The following VIT variants were observed in gnomAD, a reference collection of about 807,000 sequenced individuals.
VIT encodes vitrin.
VIT carries 99 observed loss-of-function variants against 78.0 expected under a neutral mutation model. The observed-to-expected ratio is 1.27, with a 90% CI of 1.08 to 1.50. The LOEUF (loss-of-function observed/expected upper bound fraction) is 1.50, where lower values mean the gene tolerates loss of function less well. VIT is among the 40% of genes most tolerant of loss of function. The pLI, the probability that VIT is intolerant of heterozygous loss-of-function variation, is 0.00. For synonymous variants in VIT, 374 were observed against 334.3 expected (o/e 1.12, Z -1.29); for missense variants, 1,126 against 875.3 (o/e 1.29, Z -3.61).
At chr2:36,737,686 T>C (rs112431545) in intron 3 of VIT, among the ~76,000 whole-genome samples, 7 of 152,332 alleles carry the variant, frequency 4.6e-5, no homozygotes, top group African/African-American at 1.7e-4. Flanking sequence ...TTCTGGGACT[T>C]AGTTACTTAA....
At chr2:36,796,707 T>A (rs1665929075) in intron 12 of VIT, among the ~76,000 whole-genome samples, 1 of 152,118 alleles carries the variant, frequency 6.6e-6, no homozygotes, top group Non-Finnish European at 1.5e-5. Flanking sequence ...GCTCAAAGGA[T>A]CCTCCTGTCT....
intron 14 of VIT, among the ~76,000 whole-genome samples, chr2:36,807,546 T>C (rs1316311402): frequency 1.3e-5 from 2 of 152,228 alleles, no homozygotes; most frequent in Non-Finnish European, 2.9e-5. Flanking sequence ...TGAAAAATAT[T>C]TTCCAGGAAA....
Position 36,773,851 on chromosome 2 carries a change from A to G in VIT, c.736+4A>G, listed in dbSNP as rs1411053807. On this transcript the variant is annotated splice_donor_region_variant and intron_variant, in intron 8 of 15. Transcript: ENST00000379242. ...AACAGGCCCAGAGCTGATCCAGGTA[A>G]GACCTTAAACTCCCTTTCCAGCCAC... 1 of 1,593,078 alleles carries G rather than the reference A, an allele frequency of 6.3e-7. No homozygotes were observed. The highest frequency in any genetic ancestry group is 8.6e-7 in the Non-Finnish European group (1 of 1,167,890).
intron 8 of VIT, among the ~76,000 whole-genome samples, chr2:36,774,280 G>A (rs1471691302): frequency 6.6e-6 from 1 of 151,962 alleles, no homozygotes; most frequent in African/African-American, 2.4e-5. Context: ...CTCTCTCCCC[G>A]GGAGTTCACC....
At chr2:36,699,340 C>T (rs1664875155) in intron 1 of VIT, among the ~76,000 whole-genome samples, 1 of 151,996 alleles carries the variant, frequency 6.6e-6, no homozygotes, top group African/African-American at 2.4e-5. Flanking sequence ...CAAAATGTGG[C>T]CAGGAAAATT....
chr2:36,701,192 T>C (rs1665034906), intron 1 of VIT, among the ~76,000 whole-genome samples: 1 of 151,824 alleles, frequency 6.6e-6, no homozygotes, highest in Admixed American at 6.6e-5. Context: ...ACAGGGGAAG[T>C]TTTGTCAGGA....
chr2:36,727,417 G>A (rs188089426), intron 2 of VIT, among the ~76,000 whole-genome samples: 2 of 152,310 alleles, frequency 1.3e-5, no homozygotes, highest in African/African-American at 4.8e-5. Flanking sequence ...GCTGTGGAAG[G>A]GAAGACAGAG....
At chr2:36,752,105 A>G (rs1005538329) in intron 4 of VIT, among the ~76,000 whole-genome samples, 1 of 152,246 alleles carries the variant, frequency 6.6e-6, no homozygotes, top group Non-Finnish European at 1.5e-5. Context: ...CATATTCTAT[A>G]TCATGATCAG....
rs1254603175 is a variant in VIT, at chr2:36,767,186, G to A, written c.580G>A (p.Val194Met). 1 of 1,611,280 alleles carries A rather than the reference G, an allele frequency of 6.2e-7. No homozygotes were observed. Among genetic ancestry groups the A allele is most frequent in the South Asian group, 1.1e-5 (1 of 90,232 alleles). The change falls in exon 7 of 16, where the codon GTG becomes ATG. Residue 194 changes from valine (V) to methionine (M), a missense_variant. Physicochemically the swap from Val to Met is conservative, Grantham distance 21. Coordinates refer to ENST00000379242, the MANE Select transcript of VIT (RefSeq NM_053276.4). ...GCAGCTTCTGGCTGTCACTGTAGCTGTGGCCACCCCCACCACCTTGCCAAG... is the reference window on the plus strand; with the variant it reads ...GCAGCTTCTGGCTGTCACTGTAGCTATGGCCACCCCCACCACCTTGCCAAG... The part of the protein sequence containing the change: ...LMQLLAVTVA[V>M]ATPTTLPRPS...
At chr2:36,773,666 G>A (rs1669886488) in intron 7 of VIT, 125 bp from the exon 8 acceptor site, 3 of 768,926 alleles carry the variant, frequency 3.9e-6, no homozygotes, top group East Asian at 7.2e-5. Context: ...GGAGGTTGCA[G>A]TGAGCTGAGA....
In VIT at chr2:36,787,222, C is replaced by A; in HGVS notation, c.1004C>A (p.Ala335Asp). 1 of 1,614,178 alleles carries A rather than the reference C, an allele frequency of 6.2e-7. No individual in the cohort carries two copies. The highest frequency in any genetic ancestry group is 8.5e-7 in the Non-Finnish European group (1 of 1,180,038). The change falls in exon 12 of 16, where the codon GCC becomes GAC. Residue 335 changes from alanine (A) to aspartate (D), a missense_variant. By Grantham distance (126) the Ala-to-Asp change is moderately radical (BLOSUM62 -2). Coordinates refer to ENST00000379242, the MANE Select transcript of VIT (RefSeq NM_053276.4). Reference protein sequence around the residue: ...RIQKQLLADVAQALDIGPAGP... With the variant: ...RIQKQLLADVDQALDIGPAGP... ...CAGAAGCAGCTCCTGGCTGATGTTG[C>A]CCAAGCTCTTGACATTGGCCCTGCC...
intron 6 of VIT, among the ~76,000 whole-genome samples, chr2:36,760,164 G>C (rs6544034): frequency 6.6e-6 from 1 of 151,904 alleles, no homozygotes; most frequent in Non-Finnish European, 1.5e-5. Context: ...CCGGCTAATA[G>C]TTGTATTTTT....
intron 2 of VIT, among the ~76,000 whole-genome samples, chr2:36,727,977 G>A (rs909679535): frequency 1.3e-5 from 2 of 152,176 alleles, no homozygotes; most frequent in African/African-American, 4.8e-5. Flanking sequence ...CGCCCAGGCT[G>A]GGGTGCAGTG....
intron 7 of VIT, among the ~76,000 whole-genome samples, chr2:36,768,479 C>T (rs1250105650): frequency 2.0e-5 from 3 of 152,192 alleles, no homozygotes; most frequent in African/African-American, 7.2e-5. Context: ...AATATGCTAG[C>T]CCATCTTCTG....
chr2:36,711,916 TTTATG>T (rs1665826062), intron 1 of VIT, among the ~76,000 whole-genome samples: 1 of 152,254 alleles, frequency 6.6e-6, no homozygotes, highest in Non-Finnish European at 1.5e-5. Flanking sequence ...TTTGGGATTC[TTTATG>T]TTATATCTCA....
intron 3 of VIT, among the ~76,000 whole-genome samples, chr2:36,730,330 T>C (rs1286577432): frequency 1.3e-5 from 2 of 151,382 alleles, no homozygotes; most frequent in African/African-American, 2.4e-5. Context: ...TCTGGAATAA[T>C]AGATGTTTAC....
At chr2:36,796,146 T>A (rs1665886634) in intron 12 of VIT, among the ~76,000 whole-genome samples, 1 of 151,520 alleles carries the variant, frequency 6.6e-6, no homozygotes, top group African/African-American at 2.4e-5. Context: ...GGCAGCATAG[T>A]TGTAAGGCTA....
At chr2:36,757,165 G>A (rs1668816478) in intron 5 of VIT, among the ~76,000 whole-genome samples, 1 of 152,192 alleles carries the variant, frequency 6.6e-6, no homozygotes, top group Non-Finnish European at 1.5e-5. Flanking sequence ...AGAGGTTCAT[G>A]GCCAGCAAGT....
chr2:36,801,318 A>T lies in VIT; in HGVS notation c.1076A>T (p.His359Leu), dbSNP rs1252798342. Residue 359 changes from histidine (H) to leucine (L), a missense_variant, in exon 13 of 16, where the codon CAC becomes CTC. By Grantham distance (99) the His-to-Leu change is moderately conservative. Transcript: ENST00000379242. ...VVQYGDNPAT[H>L]FNLKTHTNSR... is the part of the protein sequence containing the mutation. ...CTCTTCAGAGACAACCCTGCTACTC[A>T]CTTTAACCTCAAGACACACACGAAT... The T allele has an allele frequency of 6.2e-7, 1 of 1,614,078 alleles. No homozygotes were observed. Among genetic ancestry groups the T allele is most frequent in the South Asian group, 1.1e-5 (1 of 91,074 alleles).
Sources: gnomAD v4.1 joint callset for allele counts (sites outside exome capture counted in the v4.1 genomes callset) on GRCh38, gnomAD v4.1.1 for gene constraint, MANE v1.5 for transcripts, NCBI Gene and HGNC (gene_info 2026-07-23, HGNC 2026-07-21) for gene names.